Variants in CSMD3 observed in about 807,000 individuals in gnomAD.
CSMD3 encodes the protein CUB and sushi domain-containing protein 3.
Under a neutral mutation model 435.2 loss-of-function variants are expected in CSMD3, and 177 were observed. The observed-to-expected ratio is 0.41, with a 90% CI of 0.36 to 0.46. CSMD3 has a LOEUF of 0.46. Among genes scored for constraint, CSMD3 ranks in the 20% least tolerant of loss-of-function variants. The pLI is 0.34. For synonymous variants in CSMD3, 1,656 were observed against 1,520.5 expected (o/e 1.09, Z -2.07); for missense variants, 4,265 against 4,504.6 (o/e 0.95, Z 1.52).
At chr8:113,311,527 G>C (rs529145267) in intron 2 of CSMD3, 1 of 151,996 alleles carries the variant, frequency 6.6e-6, no homozygotes, top group African/African-American at 2.4e-5. Flanking sequence ...CTGGAAGAAA[G>C]AGAACAGCAA....
At chr8:112,781,686 G>T (rs1316944783) in intron 13 of CSMD3, among the ~76,000 whole-genome samples, 1 of 152,134 alleles carries the variant, frequency 6.6e-6, no homozygotes, top group African/African-American at 2.4e-5. Context: ...GACCACAGGA[G>T]TACTTGTGTC....
At chr8:112,470,196 T>A (rs988789753) in intron 32 of CSMD3, among the ~76,000 whole-genome samples, 4 of 152,202 alleles carry the variant, frequency 2.6e-5, no homozygotes, top group Non-Finnish European at 5.9e-5. Flanking sequence ...AAAATATTTG[T>A]TTTCATGCTT....
At chr8:113,114,182 C>A (rs1243517731) in intron 4 of CSMD3, among the ~76,000 whole-genome samples, 8 of 152,040 alleles carry the variant, frequency 5.3e-5, no homozygotes, top group African/African-American at 1.9e-4. Context: ...ATAACAATGT[C>A]AAATGTCATG....
intron 13 of CSMD3, among the ~76,000 whole-genome samples, chr8:112,765,222 G>A (rs895373527): frequency 1.3e-5 from 2 of 151,602 alleles, no homozygotes; most frequent in African/African-American, 4.8e-5. Context: ...GAAAAACAGG[G>A]AAATCAGAGG....
At chr8:113,308,315 C>A (rs1479484315) in intron 2 of CSMD3, among the ~76,000 whole-genome samples, 5 of 116,852 alleles carry the variant, frequency 4.3e-5, no homozygotes, top group Non-Finnish European at 8.1e-5. Context: ...GTCACCCAGG[C>A]TGGAGTGCAG....
At chr8:112,687,739 T>G (rs1202413106) in intron 14 of CSMD3, among the ~76,000 whole-genome samples, 1 of 152,112 alleles carries the variant, frequency 6.6e-6, no homozygotes, top group East Asian at 1.9e-4. Context: ...GCAGATGTGT[T>G]TGGCTTGATT....
intron 35 of CSMD3, among the ~76,000 whole-genome samples, chr8:112,394,154 T>C (rs1563887559): frequency 6.6e-6 from 1 of 152,198 alleles, no homozygotes; most frequent in Non-Finnish European, 1.5e-5. Flanking sequence ...TCTTAGGCCA[T>C]AAACCTAAGA....
chr8:112,857,967 T>C (rs900431151), intron 11 of CSMD3, among the ~76,000 whole-genome samples: 1 of 151,668 alleles, frequency 6.6e-6, no homozygotes, highest in Non-Finnish European at 1.5e-5. Context: ...AGGGGTTTGA[T>C]TTAGAAATTT....
chr8:113,407,435 A>AT (rs2094537589), intron 1 of CSMD3, among the ~76,000 whole-genome samples: 1 of 152,214 alleles, frequency 6.6e-6, no homozygotes, highest in South Asian at 2.1e-4. Flanking sequence ...GATGAGGTAC[A>AT]TAATGTCTGG....
rs556642569 is a variant in CSMD3 at position 112,422,709 on chromosome 8, C to A, written c.5396-13677G>T. ...ATGTCACTCACATGTACACTCCCAA[C>A]AAATACACCATATTCTGTGGCATTT... is the stretch of plus-strand genomic sequence containing the variant. On this transcript the variant is annotated intron_variant, in intron 32 of 70. Transcript: ENST00000297405. Among the ~76,000 whole-genome samples the A allele has an allele frequency of 3.2e-4, 48 of 152,314 alleles. 1 individual carries two copies. The East Asian group carries it at 4.4e-3, about 14-fold the overall frequency.
chr8:112,256,170 T>C (rs1026901354), intron 61 of CSMD3, among the ~76,000 whole-genome samples: 1 of 152,152 alleles, frequency 6.6e-6, no homozygotes, highest in Non-Finnish European at 1.5e-5. Context: ...CACTTGAACA[T>C]GTCAGTAAAC....
At chr8:113,382,230 G>A (rs1357346314) in intron 1 of CSMD3, among the ~76,000 whole-genome samples, 1 of 152,050 alleles carries the variant, frequency 6.6e-6, no homozygotes. Context: ...AAGATTCTAA[G>A]AATAATTAAG....
chr8:112,948,970 C>A (rs1456633815), intron 8 of CSMD3, among the ~76,000 whole-genome samples: 1 of 151,978 alleles, frequency 6.6e-6, no homozygotes, highest in Admixed American at 6.6e-5. Flanking sequence ...TGTGCAGCAG[C>A]ACAATCATAG....
intron 10 of CSMD3, among the ~76,000 whole-genome samples, chr8:112,874,035 T>A (rs887365815): frequency 6.6e-6 from 1 of 152,334 alleles, no homozygotes; most frequent in South Asian, 2.1e-4. Flanking sequence ...TGCTTTGTCC[T>A]GTGGGCATTT....
In CSMD3 at chr8:113,436,667, G is replaced by A. The variant is rs762409116; in HGVS notation, c.178+10C>T. On this transcript the variant is annotated intron_variant, in intron 1 of 70. Transcript: ENST00000297405. ...ATCCAAAGCGGAGGGGACCCCCAAA[G>A]CAGACCTACCTTTCACACAAGACAC... 3.1e-6 allele frequency: 5 copies of A among 1,613,944 alleles called. No individual in the cohort carries two copies. The highest frequency in any genetic ancestry group is 3.4e-6 in the Non-Finnish European group (4 of 1,179,866).
intron 1 of CSMD3, among the ~76,000 whole-genome samples, chr8:113,356,529 T>C (rs1367940201): frequency 6.6e-6 from 1 of 152,130 alleles, no homozygotes; most frequent in African/African-American, 2.4e-5. Flanking sequence ...TTTTCCAAGA[T>C]TTCATGAGAG....
chr8:112,527,697 A>G (rs1825115219), intron 27 of CSMD3, among the ~76,000 whole-genome samples: 1 of 152,050 alleles, frequency 6.6e-6, no homozygotes, highest in South Asian at 2.1e-4. Context: ...GTAAATTTAA[A>G]ACTAATAAAA....
chr8:113,312,012 TAC>T (rs943707819), intron 2 of CSMD3: 2 of 152,162 alleles, frequency 1.3e-5, no homozygotes, highest in Non-Finnish European at 2.9e-5. Flanking sequence ...TTTGAAAATA[TAC>T]CTTTTATTAT....
intron 40 of CSMD3, among the ~76,000 whole-genome samples, chr8:112,350,728 T>C (rs1191586324): frequency 6.6e-6 from 1 of 152,130 alleles, no homozygotes; most frequent in Non-Finnish European, 1.5e-5. Flanking sequence ...TTCCTTTTAA[T>C]ATATTCCATA....
Sources: allele counts gnomAD v4.1 joint callset (sites outside exome capture counted in the v4.1 genomes callset), GRCh38; gene constraint gnomAD v4.1.1; transcripts MANE v1.5; gene names NCBI Gene and HGNC (gene_info 2026-07-23, HGNC 2026-07-21).